SKIL: variants seen among roughly 807,000 people sequenced by gnomAD.
SKIL encodes ski-like protein.
A neutral mutation model predicts 69.6 loss-of-function variants in SKIL; 20 were observed. The ratio of observed to expected loss-of-function variants is 0.29; its 90% CI spans 0.20 to 0.42. The LOEUF is 0.42. SKIL is among the 10% of genes least tolerant of loss of function. The pLI, the probability that SKIL is intolerant of heterozygous loss-of-function variation, is 1.00. For missense variants in SKIL, 745 were observed against 783.1 expected (o/e 0.95, Z 0.58); for synonymous variants, 310 against 279.9 (o/e 1.11, Z -1.08).
intron 1 of SKIL, among the ~76,000 whole-genome samples, chr3:170,359,441 C>T (rs547072934): frequency 6.6e-6 from 1 of 151,980 alleles, no homozygotes; most frequent in Non-Finnish European, 1.5e-5. Context: ...ACTAAAAATA[C>T]AAAAAAATTA....
At chr3:170,376,833 C>G (rs1347435440) in intron 2 of SKIL, among the ~76,000 whole-genome samples, 2 of 152,178 alleles carry the variant, frequency 1.3e-5, no homozygotes, top group Non-Finnish European at 2.9e-5. Flanking sequence ...ACTTTGGCCT[C>G]CCAAAGTGCT....
At chr3:170,363,837 C>A (rs1320473731) in intron 2 of SKIL, among the ~76,000 whole-genome samples, 1 of 152,168 alleles carries the variant, frequency 6.6e-6, no homozygotes, top group African/African-American at 2.4e-5. Context: ...CAGTGTAGAA[C>A]TTGCTTACAG....
Position 170,361,249 on chromosome 3 carries a change from T to C in SKIL, c.918T>C (p.His306=). The C allele has an allele frequency of 6.2e-7, 1 of 1,614,214 alleles. No individual in the cohort carries two copies. Among genetic ancestry groups the C allele is most frequent in the Non-Finnish European group, 8.5e-7 (1 of 1,180,036 alleles). The change falls in exon 2 of 7, where the codon CAT becomes CAC. Residue 306 remains histidine (H), a synonymous_variant. Transcript: ENST00000259119. ...GMFAPQTFVM[H]SHRSPDKRTC... The stretch of plus-strand genomic sequence containing the variant: ...TTGCACCCCAGACGTTTGTGATGCA[T>C]TCTCACAGATCACCTGACAAAAGAA...
chr3:170,384,292 C>T lies in SKIL; in HGVS notation c.1197-241C>T, dbSNP rs551485058. On this transcript the variant is annotated intron_variant, in intron 3 of 6. Transcript: ENST00000259119. The stretch of plus-strand genomic sequence containing the variant: ...ACAGTGAGCCATGATCATACCACTA[C>T]GCTCCAGCCTGGGTTACTTGCAAAC... 5.3e-5 allele frequency among the ~76,000 whole-genome samples: 8 copies of T among 152,220 alleles called. No individual in the cohort carries two copies. In the East Asian group the frequency reaches 9.7e-4, roughly 18 times the overall value.
chr3:170,367,409 T>C (rs1463183999), intron 2 of SKIL, among the ~76,000 whole-genome samples: 1 of 151,708 alleles, frequency 6.6e-6, no homozygotes, highest in Non-Finnish European at 1.5e-5. Flanking sequence ...TTCTTCCCTA[T>C]TGTAGCATGT....
intron 3 of SKIL, among the ~76,000 whole-genome samples, chr3:170,382,381 CAA>C (rs1737395803): frequency 6.7e-6 from 1 of 149,938 alleles, no homozygotes; most frequent in African/African-American, 2.4e-5. Flanking sequence ...AAGAGGTAAA[CAA>C]ACTCTTCAAG....
In SKIL at chr3:170,393,349, C is replaced by T. The variant is rs536416603; in HGVS notation, c.*932C>T. 6.6e-6 allele frequency: 1 copy of T among 152,090 alleles called. No individual in the cohort carries two copies. The highest frequency in any genetic ancestry group is 2.4e-5 in the African/African-American group (1 of 41,524). 9.4% of individuals were successfully genotyped at this position (152,090 alleles called of 1,614,324 possible). ...CTTTAAGTTGTAAAATGTTAAACAC[C>T]TTGAAGGTTATTTTGGACTTCTGTA... is the stretch of plus-strand genomic sequence containing the variant. On this transcript the variant is annotated 3_prime_UTR_variant, in exon 7 of 7. Transcript: ENST00000259119.
rs771081170 is a variant in SKIL, at chr3:170,361,382, A to G, written c.1051A>G (p.Met351Val). ...EKKLKIILEE[M>V]KEKFSMRSGK... is the part of the protein sequence containing the mutation. The stretch of plus-strand genomic sequence containing the variant: ...GAAACTGAAGATAATTTTAGAAGAA[A>G]TGAAGGAGAAGTTTAGCATGAGAAG... The change falls in exon 2 of 7, where the codon ATG becomes GTG. Residue 351 changes from methionine to valine, a missense_variant. Met to Val is a conservative substitution (Grantham distance 21, BLOSUM62 1). Transcript: ENST00000259119. The G allele has an allele frequency of 2.1e-5, 34 of 1,601,456 alleles. No individual in the cohort carries two copies. The highest frequency in any genetic ancestry group is 2.8e-5 in the Non-Finnish European group (33 of 1,176,628).
intron 4 of SKIL, among the ~76,000 whole-genome samples, chr3:170,388,479 G>A (rs372347891): frequency 3.0e-4 from 46 of 151,586 alleles, no homozygotes; most frequent in African/African-American, 1.1e-3. Flanking sequence ...CTGAGACAAA[G>A]TCTGGCTGTA....
Position 170,384,648 on chromosome 3 carries a change from T to C in SKIL, c.1312T>C (p.Ser438Pro). 6.2e-7 allele frequency: 1 copy of C among 1,611,858 alleles called. No homozygotes were observed. The highest frequency in any genetic ancestry group is 8.5e-7 in the Non-Finnish European group (1 of 1,177,966). ...TEASKSISRQ[S>P]EKAHSSGKLQ... ...GGCAAGTAAGTCCATATCAAGACAG[T>C]CAGAGAAGGCTCACAGTAGTGGTAA... Residue 438 changes from serine to proline, a missense_variant, in exon 4 of 7, where the codon TCA (serine) becomes CCA (proline). Coordinates refer to ENST00000259119, the MANE Select transcript of SKIL (RefSeq NM_005414.5).
At position 170,380,876 on chromosome 3, in the gene SKIL, G is replaced by A. The variant is rs534002883; in HGVS notation, c.1099-368G>A. Among the ~76,000 whole-genome samples the A allele has an allele frequency of 7.9e-5, 12 of 152,080 alleles. No individual in the cohort carries two copies. The East Asian group carries it at 1.4e-3, about 17-fold the overall frequency. On this transcript the variant is annotated intron_variant, in intron 2 of 6. Coordinates refer to ENST00000259119, the MANE Select transcript of SKIL (RefSeq NM_005414.5). ...CTCTTGCCCAGGATAGAGTGCAGTG[G>A]TGCAATCATGGTTCAATCATGGTTC... is the stretch of plus-strand genomic sequence containing the variant.
chr3:170,365,484 A>G (rs1166747996), intron 2 of SKIL, among the ~76,000 whole-genome samples: 4 of 152,156 alleles, frequency 2.6e-5, no homozygotes, highest in Admixed American at 2.0e-4. Context: ...CAACTGCCAT[A>G]TCGTGCACAT....
At chr3:170,388,008 T>G (rs1249770404) in intron 4 of SKIL, among the ~76,000 whole-genome samples, 1 of 151,460 alleles carries the variant, frequency 6.6e-6, no homozygotes, top group Non-Finnish European at 1.5e-5. Context: ...TAGAACTATA[T>G]TTTCAGTTTT....
chr3:170,370,615 A>C (rs1736761944), intron 2 of SKIL, among the ~76,000 whole-genome samples: 1 of 152,132 alleles, frequency 6.6e-6, no homozygotes, highest in South Asian at 2.1e-4. Flanking sequence ...GTTTAGTTTT[A>C]AAACAAACCA....
intron 6 of SKIL, 77 bp from the exon 7 acceptor site, chr3:170,392,182 T>C (rs1376165292): frequency 8.5e-7 from 1 of 1,178,792 alleles, no homozygotes; most frequent in Non-Finnish European, 1.2e-6. Flanking sequence ...AATTTGAAAA[T>C]AGATATTTTC....
At chr3:170,373,051 G>A (rs1009841249) in intron 2 of SKIL, among the ~76,000 whole-genome samples, 67 of 148,858 alleles carry the variant, frequency 4.5e-4, no homozygotes, top group South Asian at 1.3e-3. Flanking sequence ...TCAGTGGCGT[G>A]ATCTCGGCTC....
Position 170,388,884 on chromosome 3 carries a change from T to TTATG in SKIL, c.1430-1338_1430-1337insATGT, listed in dbSNP as rs375843473. Among the ~76,000 whole-genome samples, 698 of 144,590 alleles carry TTATG rather than the reference T, an allele frequency of 4.8e-3. 52 individuals are homozygous for TTATG. Among genetic ancestry groups the TTATG allele is most frequent in the South Asian group, 7.3e-3 (33 of 4,550 alleles). 94.9% of individuals were successfully genotyped at this position (144,590 alleles called of 152,430 possible). A position where few individuals can be genotyped will look rare whatever the true frequency, so the allele number is the denominator to read the frequency against. ...TGTATTTATTTATTTATTTATTTAT[T>TTATG]TTTGAGACAGAGTCTCACTCTGTTG... On this transcript the variant is annotated intron_variant, in intron 4 of 6. Coordinates refer to ENST00000259119, the MANE Select transcript of SKIL (RefSeq NM_005414.5).
chr3:170,383,734 A>T (rs572461939), intron 3 of SKIL, among the ~76,000 whole-genome samples: 2 of 152,150 alleles, frequency 1.3e-5, no homozygotes, highest in Admixed American at 6.6e-5. Context: ...TCTGAGGTAT[A>T]TAAGAAGAGC....
chr3:170,386,107 G>C lies in SKIL; in HGVS notation c.1429+1342G>C, dbSNP rs372942379. ...CACCACGCCTGGCTGATTCTTGGGT[G>C]GGGGTTTTCTGGTTTTTTTGTTTGT... On this transcript the variant is annotated intron_variant, in intron 4 of 6. Coordinates refer to ENST00000259119, the MANE Select transcript of SKIL (RefSeq NM_005414.5). Among the ~76,000 whole-genome samples, 104 of 149,212 alleles carry C rather than the reference G, an allele frequency of 7.0e-4. 1 individual carries two copies. Among genetic ancestry groups the C allele is most frequent in the African/African-American group, 2.5e-3 (100 of 40,466 alleles).
Sources: allele counts gnomAD v4.1 joint callset (sites outside exome capture counted in the v4.1 genomes callset), GRCh38; gene constraint gnomAD v4.1.1; transcripts MANE v1.5; gene names NCBI Gene and HGNC (gene_info 2026-07-23, HGNC 2026-07-21).